The following QTMAN variants were observed in gnomAD, a reference collection of about 807,000 sequenced individuals.
QTMAN encodes tRNA-queuosine alpha-mannosyltransferase.
the QTMAN span, among the ~76,000 whole-genome samples, chr2:144,059,346 T>C: frequency 6.6e-6 from 1 of 152,210 alleles, no homozygotes; most frequent in East Asian, 1.9e-4. Flanking sequence ...TTAGGCTCTC[T>C]TTTGAATACA....
chr2:144,299,523 C>T, the QTMAN span, among the ~76,000 whole-genome samples: 2 of 152,316 alleles, frequency 1.3e-5, no homozygotes, highest in African/African-American at 4.8e-5. Flanking sequence ...AAGTTTCTCA[C>T]ATGTAAAACT....
At chr2:144,154,061 G>C in the QTMAN span, among the ~76,000 whole-genome samples, 1 of 152,146 alleles carries the variant, frequency 6.6e-6, no homozygotes, top group Non-Finnish European at 1.5e-5. Flanking sequence ...CTTAAGATTA[G>C]TATGTGACTC....
the QTMAN span, among the ~76,000 whole-genome samples, chr2:144,286,943 TCTC>T: frequency 4.6e-5 from 7 of 152,172 alleles, no homozygotes; most frequent in African/African-American, 1.7e-4. Context: ...AGTGACAAAT[TCTC>T]CTTTTTCATA....
chr2:143,938,265 C>T, the QTMAN span: 1 of 152,122 alleles, frequency 6.6e-6, no homozygotes, highest in South Asian at 2.1e-4. Context: ...TTTAATTAAT[C>T]AGGATCACAA....
chr2:144,253,509 G>A, the QTMAN span, among the ~76,000 whole-genome samples: 798 of 152,246 alleles, frequency 5.2e-3, 11 homozygotes, highest in African/African-American at 0.018. Flanking sequence ...TGCTGATAGC[G>A]ATACAGACAA....
At chr2:144,122,984 C>A in the QTMAN span, among the ~76,000 whole-genome samples, 2 of 151,972 alleles carry the variant, frequency 1.3e-5, no homozygotes, top group Non-Finnish European at 2.9e-5. Flanking sequence ...ACACACGCAC[C>A]CCTCTTAACA....
the QTMAN span, among the ~76,000 whole-genome samples, chr2:144,270,383 T>C: frequency 2.8e-4 from 42 of 152,272 alleles, no homozygotes; most frequent in Non-Finnish European, 5.0e-4. Flanking sequence ...TTATTTACAA[T>C]AGCAAAGACT....
chr2:144,084,014 A>G, the QTMAN span, among the ~76,000 whole-genome samples: 205 of 152,318 alleles, frequency 1.3e-3, no homozygotes, highest in Non-Finnish European at 2.2e-3. Context: ...GTGAAGAGAA[A>G]TATTTCTCAA....
chr2:144,207,851 T>C, the QTMAN span, among the ~76,000 whole-genome samples: 1 of 151,854 alleles, frequency 6.6e-6, no homozygotes, highest in Non-Finnish European at 1.5e-5. Flanking sequence ...TAAATTATTA[T>C]TATTATTATT....
chr2:143,967,080 C>G, the QTMAN span, among the ~76,000 whole-genome samples: 1 of 152,194 alleles, frequency 6.6e-6, no homozygotes, highest in Admixed American at 6.5e-5. Flanking sequence ...GCAATGTAAT[C>G]AAAGTGACTT....
At chr2:143,984,236 C>T in the QTMAN span, among the ~76,000 whole-genome samples, 1 of 152,150 alleles carries the variant, frequency 6.6e-6, no homozygotes, top group African/African-American at 2.4e-5. Flanking sequence ...GCAACAAAAA[C>T]TAGAAATAGA....
the QTMAN span, among the ~76,000 whole-genome samples, chr2:144,123,918 TTAAAG>T: frequency 1.3e-5 from 2 of 152,102 alleles, no homozygotes; most frequent in African/African-American, 2.4e-5. Flanking sequence ...TATCACAAGT[TTAAAG>T]TAATTTACAG....
At chr2:144,090,187 G>A in the QTMAN span, among the ~76,000 whole-genome samples, 1 of 152,004 alleles carries the variant, frequency 6.6e-6, no homozygotes, top group African/African-American at 2.4e-5. Flanking sequence ...AAAACTCTCA[G>A]TGCACTAGGC....
chr2:144,000,788 T>C, the QTMAN span, among the ~76,000 whole-genome samples: 244 of 152,130 alleles, frequency 1.6e-3, 6 homozygotes, highest in East Asian at 0.045. Flanking sequence ...GTGAACATCT[T>C]TTCCAGAACC....
At chr2:144,039,754 A>G in the QTMAN span, among the ~76,000 whole-genome samples, 7 of 152,274 alleles carry the variant, frequency 4.6e-5, no homozygotes, top group African/African-American at 1.7e-4. Flanking sequence ...AGAAAGGCAC[A>G]AGGGCAACAG....
chr2:144,128,201 C>G, the QTMAN span: 4 of 152,020 alleles, frequency 2.6e-5, no homozygotes, highest in Non-Finnish European at 5.9e-5. Context: ...CACTCAGGAT[C>G]TGTGGTATCA....
At chr2:144,004,165 A>C in the QTMAN span, among the ~76,000 whole-genome samples, 1 of 150,980 alleles carries the variant, frequency 6.6e-6, no homozygotes, top group Non-Finnish European at 1.5e-5. Flanking sequence ...TGTAAAGAAA[A>C]CCCCCCTTTT....
At chr2:144,314,335 C>T in the QTMAN span, among the ~76,000 whole-genome samples, 1 of 152,136 alleles carries the variant, frequency 6.6e-6, no homozygotes, top group South Asian at 2.1e-4. Context: ...AGCTCAAGAA[C>T]AGGCTAACCT....
chr2:144,216,372 G>A, the QTMAN span, among the ~76,000 whole-genome samples: 1 of 152,142 alleles, frequency 6.6e-6, no homozygotes, highest in East Asian at 1.9e-4. Flanking sequence ...AGTTGTCTCA[G>A]GACCTGACAC....
Sources: allele counts gnomAD v4.1 joint callset (sites outside exome capture counted in the v4.1 genomes callset), GRCh38; gene constraint gnomAD v4.1.1; transcripts MANE v1.5; gene names NCBI Gene and HGNC (gene_info 2026-07-23, HGNC 2026-07-21).